UNC13C: variants seen among roughly 807,000 people sequenced by gnomAD.
UNC13C encodes the protein protein unc-13 homolog C.
In UNC13C, 174 loss-of-function variants were observed where a neutral mutation model predicts 245.4. The ratio of observed to expected loss-of-function variants is 0.71; its 90% CI spans 0.63 to 0.80. UNC13C has a LOEUF of 0.80. Among genes scored for constraint, UNC13C ranks in the 30% least tolerant of loss-of-function variants. UNC13C has a pLI of 0.00. For synonymous variants in UNC13C, 992 were observed against 895.1 expected, an observed-to-expected ratio of 1.11 and a Z score of -1.93; for missense variants, 2,829 against 2,602.9, an observed-to-expected ratio of 1.09 and a Z score of -1.89.
chr15:54,489,648 G>C (rs879738716), intron 19 of UNC13C, among the ~76,000 whole-genome samples: 1 of 152,158 alleles, frequency 6.6e-6, no homozygotes, highest in Non-Finnish European at 1.5e-5. Context: ...AGCAAGGAAG[G>C]CTGGAAAATG....
chr15:54,361,256 G>A (rs1159690910), intron 17 of UNC13C, among the ~76,000 whole-genome samples: 1 of 151,868 alleles, frequency 6.6e-6, no homozygotes, highest in Non-Finnish European at 1.5e-5. Flanking sequence ...GCTTTCTAAT[G>A]TGTTTTTCAG....
chr15:53,900,243 A>G, the UNC13C span, among the ~76,000 whole-genome samples: 3 of 152,200 alleles, frequency 2.0e-5, no homozygotes, highest in Non-Finnish European at 4.4e-5. Context: ...TGTTATTAAC[A>G]ATAATGTGTC....
the UNC13C span, among the ~76,000 whole-genome samples, chr15:53,909,124 C>T: frequency 6.8e-6 from 1 of 146,556 alleles, no homozygotes; most frequent in African/African-American, 2.4e-5. Flanking sequence ...ACTACCAAGA[C>T]CCACTTCCTG....
the UNC13C span, among the ~76,000 whole-genome samples, chr15:53,889,940 A>G: frequency 6.6e-6 from 1 of 152,054 alleles, no homozygotes; most frequent in African/African-American, 2.4e-5. Flanking sequence ...TAATGTGCTG[A>G]TAGATTCGAT....
At position 54,171,091 on chromosome 15, in the gene UNC13C, C is replaced by T. The variant is rs140623202; in HGVS notation, c.3071+27407C>T. Among the ~76,000 whole-genome samples, 249 of 152,220 alleles carry T rather than the reference C, an allele frequency of 1.6e-3. 1 individual carries two copies. Among genetic ancestry groups the T allele is most frequent in the African/African-American group, 5.7e-3 (237 of 41,546 alleles). On this transcript the variant is annotated intron_variant, in intron 4 of 32. Transcript: ENST00000260323. The stretch of plus-strand genomic sequence containing the variant: ...GTACACATGCTTATATAACCAGCTG[C>T]CCAATAGAAATTCAGAACATTTCCA...
At chr15:54,118,426 C>A (rs1479177349) in intron 2 of UNC13C, among the ~76,000 whole-genome samples, 2 of 151,750 alleles carry the variant, frequency 1.3e-5, no homozygotes, top group Non-Finnish European at 2.9e-5. Flanking sequence ...AATTGGATTG[C>A]TTTCTTGATT....
chr15:54,175,612 A>G (rs966332766), intron 4 of UNC13C, among the ~76,000 whole-genome samples: 2 of 147,204 alleles, frequency 1.4e-5, no homozygotes, highest in Non-Finnish European at 3.0e-5. Flanking sequence ...TCCCGGGTTC[A>G]CGCCATTCTC....
intron 19 of UNC13C, among the ~76,000 whole-genome samples, chr15:54,433,219 C>T (rs549027465): frequency 7.2e-5 from 11 of 152,190 alleles, no homozygotes; most frequent in African/African-American, 2.6e-4. Flanking sequence ...AGAGATTCCT[C>T]CCTAACTCTT....
At chr15:54,470,388 T>C (rs544022194) in intron 19 of UNC13C, among the ~76,000 whole-genome samples, 1 of 151,638 alleles carries the variant, frequency 6.6e-6, no homozygotes, top group African/African-American at 2.4e-5. Flanking sequence ...TTTTCTTTAA[T>C]GGGAGACATT....
intron 19 of UNC13C, among the ~76,000 whole-genome samples, chr15:54,434,257 C>CA (rs1295424882): frequency 2.3e-4 from 35 of 151,194 alleles, no homozygotes; most frequent in Non-Finnish European, 3.8e-4. Context: ...GGAACAACAA[C>CA]AAAAAAAAGC....
intron 19 of UNC13C, among the ~76,000 whole-genome samples, chr15:54,490,267 T>A (rs535908821): frequency 6.6e-6 from 1 of 152,210 alleles, no homozygotes; most frequent in East Asian, 1.9e-4. Context: ...CTAGTTTTAA[T>A]TCTTTAGAAA....
At chr15:54,304,205 A>AAAAC (rs2037663096) in intron 13 of UNC13C, among the ~76,000 whole-genome samples, 1 of 152,116 alleles carries the variant, frequency 6.6e-6, no homozygotes. Flanking sequence ...TTTATTTTAA[A>AAAAC]AAACAGAAAC....
chr15:54,286,189 A>G (rs2037144834), intron 10 of UNC13C, among the ~76,000 whole-genome samples: 1 of 152,108 alleles, frequency 6.6e-6, no homozygotes, highest in African/African-American at 2.4e-5. Flanking sequence ...TCCATTATTT[A>G]TTTTATCAGT....
chr15:53,882,538 G>C, the UNC13C span, among the ~76,000 whole-genome samples: 2 of 152,148 alleles, frequency 1.3e-5, no homozygotes, highest in Non-Finnish European at 2.9e-5. Context: ...TTGATGACTT[G>C]TATAGTCCTT....
At chr15:54,064,069 A>G (rs866218772) in intron 2 of UNC13C, among the ~76,000 whole-genome samples, 25 of 150,966 alleles carry the variant, frequency 1.7e-4, no homozygotes, top group Middle Eastern at 3.4e-3. Context: ...TCCTACCTCA[A>G]TTTTTCTTCT....
chr15:54,391,253 C>A (rs1326806653), intron 17 of UNC13C, among the ~76,000 whole-genome samples: 1 of 151,978 alleles, frequency 6.6e-6, no homozygotes, highest in Non-Finnish European at 1.5e-5. Context: ...TGATAGTGTT[C>A]TAATACAAAT....
Position 54,532,925 on chromosome 15 carries a change from T to A in UNC13C, c.5555T>A (p.Val1852Asp). The A allele has an allele frequency of 6.5e-7, 1 of 1,540,158 alleles. No homozygotes were observed. The highest frequency in any genetic ancestry group is 1.7e-4 in the Middle Eastern group (1 of 5,878). The change falls in exon 26 of 33, where the codon GTT becomes GAT. Residue 1852 changes from valine to aspartate, a missense_variant. Physicochemically the swap from Val to Asp is radical, Grantham distance 152. Coordinates refer to ENST00000260323, the MANE Select transcript of UNC13C (RefSeq NM_001080534.3). ...ATATTCTTTATTTTTAGTTTCCAGG[T>A]TATAATTGAAGAGTGTATAAAACAG... ...LSVTYGESFQVIIEECIKQMS... is the reference protein window; with the variant it reads ...LSVTYGESFQDIIEECIKQMS...
chr15:54,261,668 G>C (rs1034216589), intron 8 of UNC13C, among the ~76,000 whole-genome samples: 1 of 152,000 alleles, frequency 6.6e-6, no homozygotes, highest in African/African-American at 2.4e-5. Flanking sequence ...TCAGCCTCTC[G>C]AGGTAGCTGG....
intron 30 of UNC13C, among the ~76,000 whole-genome samples, chr15:54,583,520 A>C (rs1898304771): frequency 1.3e-5 from 2 of 152,214 alleles, no homozygotes; most frequent in Non-Finnish European, 2.9e-5. Context: ...ATATAATAGA[A>C]GAACCTAGAA....
Sources: gnomAD v4.1 joint callset for allele counts (sites outside exome capture counted in the v4.1 genomes callset) on GRCh38, gnomAD v4.1.1 for gene constraint, MANE v1.5 for transcripts, NCBI Gene and HGNC (gene_info 2026-07-23, HGNC 2026-07-21) for gene names.